ITPR2: variants seen among roughly 807,000 people sequenced by gnomAD.
ITPR2 encodes the protein inositol 1,4,5-trisphosphate-gated calcium channel ITPR2.
In ITPR2, 207 loss-of-function variants were observed where a neutral mutation model predicts 317.1. The ratio of observed to expected loss-of-function variants is 0.65; its 90% CI spans 0.58 to 0.73. The LOEUF (loss-of-function observed/expected upper bound fraction) is 0.73. Ranked by LOEUF, ITPR2 falls within the 30% of genes least tolerant of loss-of-function variation. The probability of loss-of-function intolerance (pLI) is 0.00; values close to 1 mark genes in which losing one functional copy is unlikely to be tolerated. For missense variants in ITPR2, 2,613 were observed against 3,284.0 expected (o/e 0.80, Z 4.99); for synonymous variants, 1,156 against 1,149.1 (o/e 1.01, Z -0.12).
At chr12:26,537,742 T>C (rs1944138279) in intron 37 of ITPR2, among the ~76,000 whole-genome samples, 2 of 152,230 alleles carry the variant, frequency 1.3e-5, no homozygotes, top group Admixed American at 6.5e-5. Context: ...ATAAGTAATA[T>C]AGTCTATATT....
At chr12:26,556,178 T>TA in intron 36 of ITPR2, 55 bp downstream of exon 36, 1 of 1,579,014 alleles carries the variant, frequency 6.3e-7, no homozygotes, top group Non-Finnish European at 8.6e-7. Flanking sequence ...GCGGAAATGT[T>TA]AGAGGCCATG....
chr12:26,786,723 T>G (rs1245731892), intron 2 of ITPR2, among the ~76,000 whole-genome samples: 1 of 152,194 alleles, frequency 6.6e-6, no homozygotes, highest in Non-Finnish European at 1.5e-5. Flanking sequence ...GGAGTTGTAC[T>G]AGATTTACTT....
At chr12:26,361,499 T>C (rs937831171) in intron 55 of ITPR2, among the ~76,000 whole-genome samples, 1 of 152,218 alleles carries the variant, frequency 6.6e-6, no homozygotes, top group African/African-American at 2.4e-5. Flanking sequence ...AATACAATTA[T>C]ACAATCCAGC....
intron 34 of ITPR2, among the ~76,000 whole-genome samples, chr12:26,562,730 C>G (rs1409406781): frequency 6.9e-6 from 1 of 144,774 alleles, no homozygotes; most frequent in Non-Finnish European, 1.5e-5. Context: ...AACACTTGGA[C>G]ACAGGAAGGG....
intron 2 of ITPR2, among the ~76,000 whole-genome samples, chr12:26,771,659 T>C (rs576622312): frequency 6.6e-6 from 1 of 152,186 alleles, no homozygotes; most frequent in East Asian, 1.9e-4. Context: ...GGACTACAGG[T>C]GCCCAACACC....
Position 26,639,072 on chromosome 12 carries a change from A to G in ITPR2, c.2741-7013T>C, listed in dbSNP as rs537547882. On this transcript the variant is annotated intron_variant, in intron 21 of 56. Transcript: ENST00000381340. ...TGCTTCTGTGCCAGTCAAATCAGTG[A>G]TAAATTAGATTGAGTCATAAGAGGA... 1.5e-3 allele frequency among the ~76,000 whole-genome samples: 221 copies of G among 152,292 alleles called. 3 individuals are homozygous for G. The highest frequency in any genetic ancestry group is 5.1e-3 in the African/African-American group (212 of 41,562).
chr12:26,729,575 T>C (rs1948992891), intron 2 of ITPR2, among the ~76,000 whole-genome samples: 1 of 152,080 alleles, frequency 6.6e-6, no homozygotes, highest in African/African-American at 2.4e-5. Context: ...AATCATAGAC[T>C]GGATAAAGAA....
At position 26,762,777 on chromosome 12, in the gene ITPR2, T is replaced by C. The variant is rs143065458; in HGVS notation, c.163+27380A>G. ...AGCTATAATAACTTGTTAATGGATA[T>C]ACAATATATAAATATATATAAATTG... On this transcript the variant is annotated intron_variant, in intron 2 of 56. Transcript: ENST00000381340. 1.2e-3 allele frequency among the ~76,000 whole-genome samples: 180 copies of C among 152,232 alleles called. 1 individual carries two copies. The East Asian group carries it at 0.012, about 10-fold the overall frequency.
At chr12:26,691,813 G>A (rs115634021) in intron 10 of ITPR2, among the ~76,000 whole-genome samples, 272 of 152,106 alleles carry the variant, frequency 1.8e-3, no homozygotes, top group African/African-American at 6.2e-3. Context: ...AGTTGGTTCA[G>A]ACCTGTGAGC....
At chr12:26,739,911 A>G (rs902190367) in intron 2 of ITPR2, among the ~76,000 whole-genome samples, 6 of 152,234 alleles carry the variant, frequency 3.9e-5, no homozygotes, top group Admixed American at 1.3e-4. Context: ...TAAACTTTAA[A>G]GACATAATAA....
intron 43 of ITPR2, among the ~76,000 whole-genome samples, chr12:26,479,611 C>T (rs956499796): frequency 5.3e-5 from 8 of 152,170 alleles, no homozygotes; most frequent in Non-Finnish European, 1.2e-4. Flanking sequence ...AGCTGACTAT[C>T]TTACAGGCCT....
At chr12:26,415,592 T>C in intron 50 of ITPR2, 94 bp from the exon 51 acceptor site, 1 of 849,844 alleles carries the variant, frequency 1.2e-6, no homozygotes, top group Non-Finnish European at 1.7e-6. Flanking sequence ...ATGCAAGCCA[T>C]TCTAGTTTAT....
chr12:26,518,661 C>A (rs1192083759), intron 37 of ITPR2, among the ~76,000 whole-genome samples: 1 of 151,700 alleles, frequency 6.6e-6, no homozygotes, highest in South Asian at 2.1e-4. Flanking sequence ...AATTTTAAAC[C>A]AACTCATTAA....
chr12:26,811,145 A>T (rs1429893413), intron 1 of ITPR2, among the ~76,000 whole-genome samples: 1 of 152,052 alleles, frequency 6.6e-6, no homozygotes, highest in Non-Finnish European at 1.5e-5. Context: ...TTTTAAAATG[A>T]CTGCCTAAAA....
chr12:26,387,077 G>A (rs2136628224), intron 55 of ITPR2, among the ~76,000 whole-genome samples: 1 of 152,300 alleles, frequency 6.6e-6, no homozygotes, highest in African/African-American at 2.4e-5. Flanking sequence ...TGAATCTTCT[G>A]TTCATATTTA....
chr12:26,715,855 C>G lies in ITPR2; in HGVS notation c.625-20G>C. 1 of 1,520,060 alleles carries G rather than the reference C, an allele frequency of 6.6e-7. No individual in the cohort carries two copies. Among genetic ancestry groups the G allele is most frequent in the Non-Finnish European group, 9.1e-7 (1 of 1,096,448 alleles). The allele number at this position is 1,520,060 out of a possible 1,614,324, so 94.2% of individuals were successfully genotyped here. On this transcript the variant is annotated intron_variant, in intron 6 of 56. Transcript: ENST00000381340. ...ATTCACCTATTAATGAAGAAACGTT[C>G]AAAGTTATAAGACTACAGATTCCAT... is the stretch of plus-strand genomic sequence containing the variant.
intron 30 of ITPR2, among the ~76,000 whole-genome samples, chr12:26,598,554 A>ACTCAC (rs1945911112): frequency 6.6e-6 from 1 of 152,220 alleles, no homozygotes; most frequent in Admixed American, 6.5e-5. Flanking sequence ...TACTCATTAC[A>ACTCAC]TAAATATCAC....
intron 37 of ITPR2, among the ~76,000 whole-genome samples, chr12:26,519,820 G>T (rs1226449106): frequency 1.3e-5 from 2 of 152,168 alleles, no homozygotes; most frequent in Admixed American, 1.3e-4. Flanking sequence ...AAAACATAAA[G>T]AGGTTCTCTA....
At chr12:26,666,162 A>ATAGATAGAT (rs34107444) in intron 13 of ITPR2, 111 bp from the exon 14 acceptor site, 33,119 of 398,798 alleles carry the variant, frequency 0.083, 1,324 homozygotes, top group Admixed American at 0.12. Flanking sequence ...AGATAGATAG[A>ATAGATAGAT]TTTTTTTTTA....
Sources: allele counts gnomAD v4.1 joint callset (sites outside exome capture counted in the v4.1 genomes callset), GRCh38; gene constraint gnomAD v4.1.1; transcripts MANE v1.5; gene names NCBI Gene and HGNC (gene_info 2026-07-23, HGNC 2026-07-21).